The following FHL2 variants were observed in gnomAD, a reference collection of about 807,000 sequenced individuals.
FHL2 encodes four and a half LIM domains protein 2.
FHL2 carries 20 observed loss-of-function variants against 32.7 expected under a neutral mutation model. The ratio of observed to expected loss-of-function variants is 0.61; its 90% CI spans 0.43 to 0.89. FHL2 has a LOEUF of 0.89. FHL2 is among the 40% of genes least tolerant of loss of function. The pLI is 0.00. For missense variants in FHL2, 311 were observed against 358.6 expected, an observed-to-expected ratio of 0.87 and a Z score of 1.07; for synonymous variants, 123 against 128.1, an observed-to-expected ratio of 0.96 and a Z score of 0.27.
chr2:105,374,983 C>T (rs1178056572), intron 3 of FHL2, among the ~76,000 whole-genome samples: 3 of 152,144 alleles, frequency 2.0e-5, no homozygotes, highest in Non-Finnish European at 4.4e-5. Flanking sequence ...AGCCTGCCCA[C>T]GATGTCTCTG....
chr2:105,415,894 CA>C (rs1305869673), intron 1 of FHL2, among the ~76,000 whole-genome samples: 1 of 152,022 alleles, frequency 6.6e-6, no homozygotes, highest in African/African-American at 2.4e-5. Flanking sequence ...ATGATTTCAG[CA>C]AAAAATACGT....
At chr2:105,396,533 C>T in intron 2 of FHL2, 114 bp downstream of exon 2, 1 of 882,886 alleles carries the variant, frequency 1.1e-6, no homozygotes, top group South Asian at 1.5e-5. Flanking sequence ...GAACATATGA[C>T]TGAATGTTTG....
rs747458659 is a variant in FHL2 at position 105,373,539 on chromosome 2, A to T, written c.331+20T>A. The T allele has an allele frequency of 6.2e-7, 1 of 1,614,044 alleles. No individual in the cohort carries two copies. The highest frequency in any genetic ancestry group is 8.5e-7 in the Non-Finnish European group (1 of 1,179,926). ...TTGAAGCTAGACTGGCTCACGCATGAGAAAGGAGTGCCTCCTGACCTGGCA... is the reference window on the plus strand; with the variant it reads ...TTGAAGCTAGACTGGCTCACGCATGTGAAAGGAGTGCCTCCTGACCTGGCA... On this transcript the variant is annotated intron_variant, in intron 4 of 6. Coordinates refer to ENST00000530340, the MANE Select transcript of FHL2 (RefSeq NM_001318895.3).
chr2:105,417,671 G>A (rs193139808), intron 1 of FHL2, among the ~76,000 whole-genome samples: 107 of 124,372 alleles, frequency 8.6e-4, no homozygotes, highest in Non-Finnish European at 1.4e-3. Context: ...GCAATACAGC[G>A]AGACTCCATC....
At chr2:105,420,430 G>A (rs1466346891) in intron 1 of FHL2, among the ~76,000 whole-genome samples, 1 of 152,060 alleles carries the variant, frequency 6.6e-6, no homozygotes, top group Non-Finnish European at 1.5e-5. Flanking sequence ...TAATTACTCG[G>A]TAACAACCCC....
Position 105,424,857 on chromosome 2 carries a change from A to G in FHL2, c.-25+13542T>C, listed in dbSNP as rs1234891069. 2.0e-5 allele frequency among the ~76,000 whole-genome samples: 3 copies of G among 152,118 alleles called. No homozygotes were observed. In the East Asian group the frequency reaches 5.8e-4, roughly 29 times the overall value. The stretch of plus-strand genomic sequence containing the variant: ...GGACACACGGAGGGGAACATCACAC[A>G]CCAGGACCTGTCAGGGAGTGGGGGC... On this transcript the variant is annotated intron_variant, in intron 1 of 5. Transcript: ENST00000393352.
Position 105,361,532 on chromosome 2 carries a change from A to T in FHL2, c.689-98T>A. ...TGGTTTGATCCATTTCAAAGTTTGG[A>T]TTGTGTAATATGGATAATGTGAATT... On this transcript the variant is annotated intron_variant, in intron 6 of 6. Coordinates refer to ENST00000530340, the MANE Select transcript of FHL2 (RefSeq NM_001318895.3). 7 of 1,040,992 alleles carry T rather than the reference A, an allele frequency of 6.7e-6. No homozygotes were observed. The South Asian group carries it at 1.1e-4, about 16-fold the overall frequency. The allele number at this position is 1,040,992 out of a possible 1,614,324, so 64.5% of individuals were successfully genotyped here.
At chr2:105,371,911 C>A (rs1681105145) in intron 4 of FHL2, among the ~76,000 whole-genome samples, 1 of 152,260 alleles carries the variant, frequency 6.6e-6, no homozygotes, top group African/African-American at 2.4e-5. Flanking sequence ...GGCTTCAATT[C>A]TCATTTGCAC....
At chr2:105,409,031 G>A (rs965132922) in intron 1 of FHL2, among the ~76,000 whole-genome samples, 2 of 152,156 alleles carry the variant, frequency 1.3e-5, no homozygotes, top group Non-Finnish European at 2.9e-5. Context: ...CAGGAGGTGG[G>A]GGTAGGAATG....
At chr2:105,384,708 A>G (rs1429031387) in intron 3 of FHL2, among the ~76,000 whole-genome samples, 1 of 152,210 alleles carries the variant, frequency 6.6e-6, no homozygotes, top group Non-Finnish European at 1.5e-5. Context: ...GGGTTTCGCC[A>G]TGTTGGCCAG....
At chr2:105,361,673 C>T (rs910836171) in intron 6 of FHL2, among the ~76,000 whole-genome samples, 6 of 152,186 alleles carry the variant, frequency 3.9e-5, no homozygotes, top group African/African-American at 1.4e-4. Flanking sequence ...GGGATAAGTG[C>T]GATCAAAGAA....
chr2:105,377,887 G>T, intron 3 of FHL2: 1 of 370,168 alleles, frequency 2.7e-6, no homozygotes. Context: ...TTACATGGTG[G>T]CTGCCCTGCC....
At chr2:105,378,614 C>A (rs1315332281) in intron 3 of FHL2, 1 of 159,016 alleles carries the variant, frequency 6.3e-6, no homozygotes, top group Non-Finnish European at 1.4e-5. Flanking sequence ...CCCAGGGCTG[C>A]GTTATCTCGG....
intron 2 of FHL2, among the ~76,000 whole-genome samples, chr2:105,387,316 G>A (rs952521233): frequency 1.1e-4 from 17 of 152,250 alleles, no homozygotes; most frequent in Middle Eastern, 3.4e-3. Context: ...AATCACAGTG[G>A]CAAAAGGGAG....
intron 1 of FHL2, among the ~76,000 whole-genome samples, chr2:105,420,335 T>C (rs1684062269): frequency 6.6e-6 from 1 of 152,256 alleles, no homozygotes; most frequent in African/African-American, 2.4e-5. Context: ...TGTGTGTGCG[T>C]CTGCCCAAAT....
At chr2:105,396,287 A>G (rs1271831450) in intron 2 of FHL2, among the ~76,000 whole-genome samples, 1 of 151,978 alleles carries the variant, frequency 6.6e-6, no homozygotes, top group African/African-American at 2.4e-5. Context: ...AAAAGAGGAG[A>G]CTCTATAGAC....
At chr2:105,412,631 C>T (rs1038267734) in intron 1 of FHL2, among the ~76,000 whole-genome samples, 3 of 152,146 alleles carry the variant, frequency 2.0e-5, no homozygotes, top group South Asian at 2.1e-4. Flanking sequence ...CAAGAAAGCA[C>T]GTGGATGGTT....
chr2:105,367,847 A>G, intron 4 of FHL2, 108 bp from the exon 5 acceptor site: 1 of 1,093,556 alleles, frequency 9.1e-7, no homozygotes, highest in Non-Finnish European at 1.3e-6. Flanking sequence ...GACCAGAGCA[A>G]GCCACTTCAG....
At chr2:105,406,174 T>C (rs1683625457) in intron 1 of FHL2, among the ~76,000 whole-genome samples, 1 of 152,220 alleles carries the variant, frequency 6.6e-6, no homozygotes, top group South Asian at 2.1e-4. Flanking sequence ...AGTTGACTGC[T>C]GAAGTACCAG....
Sources: gnomAD v4.1 joint callset for allele counts (sites outside exome capture counted in the v4.1 genomes callset) on GRCh38, gnomAD v4.1.1 for gene constraint, MANE v1.5 for transcripts, NCBI Gene and HGNC (gene_info 2026-07-23, HGNC 2026-07-21) for gene names.